ST6GAL1: variants seen among roughly 807,000 people sequenced by gnomAD.
ST6GAL1 encodes the protein beta-galactoside alpha-2,6-sialyltransferase 1.
A neutral mutation model predicts 38.0 loss-of-function variants in ST6GAL1; 20 were observed. That is an observed-to-expected ratio of 0.53 (90% confidence interval 0.37 to 0.77). The LOEUF (loss-of-function observed/expected upper bound fraction) is 0.77. ST6GAL1 is among the 30% of genes least tolerant of loss of function. The pLI, the probability that ST6GAL1 is intolerant of heterozygous loss-of-function variation, is 0.00. For synonymous variants in ST6GAL1, 196 were observed against 188.2 expected, an observed-to-expected ratio of 1.04 and a Z score of -0.34; for missense variants, 432 against 496.4, an observed-to-expected ratio of 0.87 and a Z score of 1.23.
At chr3:187,065,005 CTTT>C (rs58334319) in intron 5 of ST6GAL1, among the ~76,000 whole-genome samples, 18 of 139,272 alleles carry the variant, frequency 1.3e-4, no homozygotes, top group Non-Finnish European at 9.4e-5. Context: ...TCTTCTTTTT[CTTT>C]TTTTTTTTTT....
chr3:186,977,197 C>T (rs993666967), intron 2 of ST6GAL1, among the ~76,000 whole-genome samples: 4 of 152,206 alleles, frequency 2.6e-5, no homozygotes, highest in South Asian at 2.1e-4. Flanking sequence ...TGCCCCTAGG[C>T]GAGATAGTTT....
chr3:186,982,594 G>A (rs115156510), intron 2 of ST6GAL1, among the ~76,000 whole-genome samples: 277 of 152,222 alleles, frequency 1.8e-3, no homozygotes, highest in African/African-American at 6.0e-3. Context: ...TGAGACCAAA[G>A]GGAACATACC....
chr3:187,016,289 G>A (rs1032543585), intron 2 of ST6GAL1, among the ~76,000 whole-genome samples: 31 of 152,194 alleles, frequency 2.0e-4, no homozygotes, highest in Middle Eastern at 3.2e-3. Flanking sequence ...CCTATCCTGT[G>A]CTTGGCAGTG....
At chr3:187,062,300 T>C (rs1320677574) in intron 5 of ST6GAL1, among the ~76,000 whole-genome samples, 1 of 152,046 alleles carries the variant, frequency 6.6e-6, no homozygotes, top group Admixed American at 6.6e-5. Context: ...AAAAATGGAA[T>C]TACCGTGTAA....
intron 1 of ST6GAL1, among the ~76,000 whole-genome samples, chr3:186,958,755 C>T (rs979034119): frequency 3.9e-5 from 6 of 152,056 alleles, no homozygotes; most frequent in African/African-American, 1.4e-4. Flanking sequence ...AGTTCGAGAC[C>T]AGCCTGGCCA....
At chr3:187,009,622 A>G (rs573890691) in intron 2 of ST6GAL1, among the ~76,000 whole-genome samples, 1 of 152,266 alleles carries the variant, frequency 6.6e-6, no homozygotes, top group South Asian at 2.1e-4. Flanking sequence ...ACAGAGTGAG[A>G]CCCGGTCTCT....
rs182194835 is a variant in ST6GAL1, at chr3:186,936,604, G to C, written c.-325+5770G>C. 1.4e-4 allele frequency among the ~76,000 whole-genome samples: 21 copies of C among 152,280 alleles called. No individual in the cohort carries two copies. In the East Asian group the frequency reaches 3.1e-3, roughly 22 times the overall value. On this transcript the variant is annotated intron_variant, in intron 1 of 7. Transcript: ENST00000169298. ...ACCAGAAAGGTCAGGTTAGCCTTCAGAATCAATGTAGTGATTTAAATTTTA... is the reference window on the plus strand; with the variant it reads ...ACCAGAAAGGTCAGGTTAGCCTTCACAATCAATGTAGTGATTTAAATTTTA...
chr3:186,984,740 TTCCCTCCCTCCCTCCCTCCCTCCC>T (rs1163600907), intron 2 of ST6GAL1, among the ~76,000 whole-genome samples: 2,558 of 63,618 alleles, frequency 0.04, 173 homozygotes, highest in Non-Finnish European at 0.054. Flanking sequence ...CCTTCCTTCC[TTCCCTCCCTCCCTCCCTCCCTCCC>T]TCCTTCCTTC....
At chr3:186,999,378 G>A (rs1283179471) in intron 2 of ST6GAL1, among the ~76,000 whole-genome samples, 3 of 151,906 alleles carry the variant, frequency 2.0e-5, no homozygotes, top group Non-Finnish European at 4.4e-5. Context: ...AAGTAGGCCC[G>A]GATTTGTCGC....
intron 1 of ST6GAL1, among the ~76,000 whole-genome samples, chr3:186,948,526 CTAGTGTGT>C (rs1336816242): frequency 7.8e-6 from 1 of 128,416 alleles, no homozygotes; most frequent in Non-Finnish European, 1.7e-5. Context: ...TTCAGAAACT[CTAGTGTGT>C]GTGTGTGTGT....
intron 5 of ST6GAL1, among the ~76,000 whole-genome samples, chr3:187,067,867 A>G (rs1413438167): frequency 6.6e-6 from 1 of 152,148 alleles, no homozygotes; most frequent in Non-Finnish European, 1.5e-5. Flanking sequence ...CATCTGGAAA[A>G]TGATGGGTCT....
chr3:187,008,018 A>G (rs1442225665), intron 2 of ST6GAL1, among the ~76,000 whole-genome samples: 2 of 152,194 alleles, frequency 1.3e-5, no homozygotes, highest in East Asian at 3.8e-4. Context: ...AAAGCCTTTC[A>G]TGGTACTGTG....
intron 2 of ST6GAL1, among the ~76,000 whole-genome samples, chr3:186,989,360 T>C (rs1716072045): frequency 6.6e-6 from 1 of 152,224 alleles, no homozygotes; most frequent in Non-Finnish European, 1.5e-5. Flanking sequence ...GTCCAACGTA[T>C]AAAAACATTT....
At chr3:186,944,254 AC>A (rs1308146728) in intron 1 of ST6GAL1, among the ~76,000 whole-genome samples, 2 of 152,240 alleles carry the variant, frequency 1.3e-5, no homozygotes, top group Non-Finnish European at 2.9e-5. Flanking sequence ...TTGGAGAAAC[AC>A]TTTGGGGACT....
At chr3:186,946,510 G>A (rs4686817) in intron 1 of ST6GAL1, among the ~76,000 whole-genome samples, 84,038 of 151,828 alleles carry the variant, frequency 0.55, 25,213 homozygotes, top group South Asian at 0.76. Flanking sequence ...CTCCGAAAGT[G>A]TTGGGATTAC....
intron 1 of ST6GAL1, among the ~76,000 whole-genome samples, chr3:186,956,519 A>G (rs946983649): frequency 6.6e-5 from 10 of 152,188 alleles, no homozygotes; most frequent in Admixed American, 5.2e-4. Flanking sequence ...GGAATGAGGG[A>G]AAGTCCACAT....
intron 2 of ST6GAL1, among the ~76,000 whole-genome samples, chr3:187,034,223 G>C (rs1335298702): frequency 3.3e-4 from 50 of 152,006 alleles, no homozygotes; most frequent in Non-Finnish European, 2.9e-5. Flanking sequence ...ATTGAAACCT[G>C]AACAGACCAA....
intron 2 of ST6GAL1, among the ~76,000 whole-genome samples, chr3:186,965,567 A>T (rs1363321658): frequency 6.6e-6 from 1 of 152,202 alleles, no homozygotes; most frequent in Non-Finnish European, 1.5e-5. Flanking sequence ...TACAGAGTCC[A>T]TCTGGTCCCA....
intron 2 of ST6GAL1, among the ~76,000 whole-genome samples, chr3:187,030,699 G>A (rs998153761): frequency 6.6e-6 from 1 of 152,290 alleles, no homozygotes; most frequent in Admixed American, 6.5e-5. Context: ...CTCCCAAAGT[G>A]CTGGGATTAC....
Sources: gnomAD v4.1 joint callset for allele counts (sites outside exome capture counted in the v4.1 genomes callset) on GRCh38, gnomAD v4.1.1 for gene constraint, MANE v1.5 for transcripts, NCBI Gene and HGNC (gene_info 2026-07-23, HGNC 2026-07-21) for gene names.